Variants in SEL1L observed in about 807,000 individuals in gnomAD.
SEL1L encodes SEL1L adaptor subunit of SYVN1 ubiquitin ligase.
In SEL1L, 52 loss-of-function variants were observed where a neutral mutation model predicts 109.8. The observed-to-expected ratio is 0.47, with a 90% CI of 0.38 to 0.60. SEL1L has a LOEUF of 0.60. Ranked by LOEUF, SEL1L falls within the 20% of genes least tolerant of loss-of-function variation. SEL1L has a pLI of 0.00. For missense variants in SEL1L, 749 were observed against 962.2 expected, an observed-to-expected ratio of 0.78 and a Z score of 2.93; for synonymous variants, 373 against 339.6, an observed-to-expected ratio of 1.10 and a Z score of -1.08.
intron 6 of SEL1L, among the ~76,000 whole-genome samples, chr14:81,502,458 AT>A (rs1884054407): frequency 6.6e-6 from 1 of 152,234 alleles, no homozygotes; most frequent in African/African-American, 2.4e-5. Context: ...TTATCTTCAT[AT>A]TTCATTCTCT....
intron 11 of SEL1L, among the ~76,000 whole-genome samples, chr14:81,494,814 A>G (rs1883678056): frequency 6.6e-6 from 1 of 152,236 alleles, no homozygotes; most frequent in Admixed American, 6.5e-5. Flanking sequence ...TAATACTCCT[A>G]TTAAAGTTAA....
rs749933499 is a variant in SEL1L at position 81,526,950 on chromosome 14, T to C, written c.123A>G (p.Ser41=). Reference sequence around the variant, plus strand: ...TAGTATGGTCCTTTACTGACTCATCTGATGTCAAAGTAGTCTGAGAATATA... The same window carrying C: ...TAGTATGGTCCTTTACTGACTCATCCGATGTCAAAGTAGTCTGAGAATATA... ...ESLDSKTTLT[S]DESVKDHTTA... The change falls in exon 3 of 21, where the codon TCA becomes TCG. Residue 41 remains serine (S), a synonymous_variant. Transcript: ENST00000336735. The C allele has an allele frequency of 7.5e-6, 12 of 1,610,122 alleles. No homozygotes were observed. The Admixed American group carries it at 2.0e-4, about 27-fold the overall frequency.
At chr14:81,510,594 CAG>C (rs1271807744) in intron 3 of SEL1L, among the ~76,000 whole-genome samples, 9 of 149,558 alleles carry the variant, frequency 6.0e-5, no homozygotes, top group Admixed American at 4.7e-4. Context: ...AAAATCAAAA[CAG>C]AAAACTAAAA....
intron 5 of SEL1L, among the ~76,000 whole-genome samples, chr14:81,503,959 T>G (rs1018712385): frequency 6.6e-6 from 1 of 151,006 alleles, no homozygotes; most frequent in African/African-American, 2.4e-5. Flanking sequence ...TACTACAACT[T>G]GAGTCAATCA....
rs138880858 is a variant in SEL1L at position 81,529,197 on chromosome 14, C to T, written c.71-1459G>A. Among the ~76,000 whole-genome samples, 915 of 152,300 alleles carry T rather than the reference C, an allele frequency of 6.0e-3. 10 individuals carry two copies. The highest frequency in any genetic ancestry group is 0.021 in the African/African-American group (867 of 41,576). Reference sequence around the variant, plus strand: ...TAACAATTGTCCTTCATGCTAACTTCTTCACAAGTATTACCCAAAGCCCAA... The same window carrying T: ...TAACAATTGTCCTTCATGCTAACTTTTTCACAAGTATTACCCAAAGCCCAA... On this transcript the variant is annotated intron_variant, in intron 1 of 20. Transcript: ENST00000336735.
At chr14:81,515,156 C>T (rs978700438) in intron 3 of SEL1L, among the ~76,000 whole-genome samples, 1 of 152,106 alleles carries the variant, frequency 6.6e-6, no homozygotes, top group African/African-American at 2.4e-5. Context: ...GGACCACAAA[C>T]CCCCACAGGC....
At chr14:81,531,160 T>C (rs1339837264) in intron 1 of SEL1L, among the ~76,000 whole-genome samples, 4 of 152,222 alleles carry the variant, frequency 2.6e-5, no homozygotes, top group Admixed American at 6.5e-5. Context: ...GCTACCATGT[T>C]CCAATGGCTA....
Position 81,486,465 on chromosome 14 carries a change from T to TG in SEL1L, c.1633-12dup. 1 of 1,607,680 alleles carries TG rather than the reference T, an allele frequency of 6.2e-7. No individual in the cohort carries two copies. ...TACATTCTTAAACAACTGTGTGAGG[T>TG]GGGGAAAAAAAATATCAGTAGAAGA... On this transcript the variant is annotated splice_polypyrimidine_tract_variant and intron_variant, in intron 16 of 20. Transcript: ENST00000336735.
At chr14:81,514,880 C>G (rs142238074) in intron 3 of SEL1L, among the ~76,000 whole-genome samples, 2 of 152,212 alleles carry the variant, frequency 1.3e-5, no homozygotes, top group East Asian at 3.9e-4. Flanking sequence ...AAATGGTCAC[C>G]TGAGGGAAGT....
chr14:81,477,524 C>T (rs982841883), intron 20 of SEL1L, among the ~76,000 whole-genome samples: 1 of 152,028 alleles, frequency 6.6e-6, no homozygotes, highest in Admixed American at 6.6e-5. Flanking sequence ...AACAAAACAA[C>T]ACTGGGGCCA....
chr14:81,482,169 A>G (rs1206761181), intron 19 of SEL1L, among the ~76,000 whole-genome samples: 1 of 152,182 alleles, frequency 6.6e-6, no homozygotes, highest in Non-Finnish European at 1.5e-5. Context: ...GCCTTTTATC[A>G]TATTCTTTAT....
chr14:81,510,514 C>G (rs59700947), intron 3 of SEL1L, among the ~76,000 whole-genome samples: 1 of 104,054 alleles, frequency 9.6e-6, no homozygotes, highest in African/African-American at 3.4e-5. Flanking sequence ...CTCTCTCTCT[C>G]TATATATATA....
At chr14:81,508,818 TATC>T (rs1430322856) in intron 3 of SEL1L, among the ~76,000 whole-genome samples, 1 of 152,202 alleles carries the variant, frequency 6.6e-6, no homozygotes, top group African/African-American at 2.4e-5. Context: ...ACAAATAACT[TATC>T]ATAGGAATTC....
At chr14:81,510,500 C>A (rs1193016726) in intron 3 of SEL1L, among the ~76,000 whole-genome samples, 38 of 126,220 alleles carry the variant, frequency 3.0e-4, no homozygotes, top group Non-Finnish European at 4.7e-4. Context: ...CTCTCTCTCT[C>A]TCTCTCTCTC....
chr14:81,531,827 G>C (rs761598371), intron 1 of SEL1L, among the ~76,000 whole-genome samples: 1 of 152,168 alleles, frequency 6.6e-6, no homozygotes, highest in Admixed American at 6.5e-5. Flanking sequence ...ACAGGTATGA[G>C]CTGGGCCCGC....
chr14:81,513,712 T>A (rs980009378), intron 3 of SEL1L, among the ~76,000 whole-genome samples: 2 of 152,152 alleles, frequency 1.3e-5, no homozygotes, highest in Non-Finnish European at 2.9e-5. Context: ...GCCGCCGGAC[T>A]AAAGACACGG....
intron 3 of SEL1L, among the ~76,000 whole-genome samples, chr14:81,518,659 T>TAA (rs35790401): frequency 0.055 from 4,639 of 84,300 alleles, 415 homozygotes; most frequent in African/African-American, 0.2. Flanking sequence ...AGACTTCGTC[T>TAA]AAAAAAAAAA....
chr14:81,518,392 G>A (rs1595531985), intron 3 of SEL1L, among the ~76,000 whole-genome samples: 1 of 151,664 alleles, frequency 6.6e-6, no homozygotes, highest in East Asian at 2.0e-4. Flanking sequence ...GGGTGCGGTG[G>A]CTCACTCCTG....
intron 17 of SEL1L, 132 bp downstream of exon 17, chr14:81,486,157 G>A (rs1169793459): frequency 1.2e-6 from 1 of 866,284 alleles, no homozygotes; most frequent in African/African-American, 1.7e-5. Flanking sequence ...AATAACTTAA[G>A]CCTGTGTGTT....
Sources: gnomAD v4.1 joint callset for allele counts (sites outside exome capture counted in the v4.1 genomes callset) on GRCh38, gnomAD v4.1.1 for gene constraint, MANE v1.5 for transcripts, NCBI Gene and HGNC (gene_info 2026-07-23, HGNC 2026-07-21) for gene names.